Variants in TBC1D16 observed in about 807,000 individuals in gnomAD.
TBC1D16 encodes the protein CTD-2529O21.1.
In TBC1D16, 58 loss-of-function variants were observed where a neutral mutation model predicts 74.7. The observed-to-expected ratio is 0.78, with a 90% CI of 0.63 to 0.97. TBC1D16 has a LOEUF of 0.97. Among genes scored for constraint, TBC1D16 ranks in the 50% least tolerant of loss-of-function variants. The pLI, the probability that TBC1D16 is intolerant of heterozygous loss-of-function variation, is 0.00. For synonymous variants in TBC1D16, 493 were observed against 474.7 expected, an observed-to-expected ratio of 1.04 and a Z score of -0.50; for missense variants, 1,014 against 1,079.5, an observed-to-expected ratio of 0.94 and a Z score of 0.85.
chr17:80,002,063 G>A (rs1405269209), intron 3 of TBC1D16, among the ~76,000 whole-genome samples: 2 of 152,186 alleles, frequency 1.3e-5, no homozygotes, highest in Non-Finnish European at 2.9e-5. Context: ...AGGAACGGCA[G>A]GAAACGCAGA....
At chr17:79,997,405 G>A (rs1050891301) in intron 3 of TBC1D16, among the ~76,000 whole-genome samples, 8 of 151,192 alleles carry the variant, frequency 5.3e-5, no homozygotes, top group Admixed American at 4.0e-4. Flanking sequence ...ACTTTTAAAC[G>A]TGGCTAATGG....
In TBC1D16 at chr17:79,940,353, T is replaced by C. The variant is rs1406714315; in HGVS notation, c.*506A>G. On this transcript the variant is annotated 3_prime_UTR_variant, in exon 12 of 12. Coordinates refer to ENST00000310924, the MANE Select transcript of TBC1D16 (RefSeq NM_019020.4). This position sits in a 1 kb window ranked among gnomAD's most constrained non-coding sequence, Gnocchi z 5.4. ...CTGGGGACGTTTTGGGAAGTGTGTT[T>C]GGCTCACTCCGAGAGAACGAGGTCT... 1 of 152,548 alleles carries C rather than the reference T, an allele frequency of 6.6e-6. No homozygotes were observed. The highest frequency in any genetic ancestry group is 1.5e-5 in the Non-Finnish European group (1 of 68,324). The allele number at this position is 152,548 out of a possible 1,614,324, so 9.4% of individuals were successfully genotyped here. A position where few individuals can be genotyped will look rare whatever the true frequency, so the allele number is the denominator to read the frequency against.
In TBC1D16 at chr17:80,018,754, C is replaced by A. The variant is rs1344326446; in HGVS notation, c.-62-5145G>T. ...TAGCCTGGACTAAAGGCACATGCCACCAGGTCCCGCTAATTTTTTTATTTT... is the reference window on the plus strand; with the variant it reads ...TAGCCTGGACTAAAGGCACATGCCAACAGGTCCCGCTAATTTTTTTATTTT... On this transcript the variant is annotated intron_variant, in intron 1 of 11. Coordinates refer to ENST00000310924, the MANE Select transcript of TBC1D16 (RefSeq NM_019020.4). Among the ~76,000 whole-genome samples the A allele has an allele frequency of 2.0e-5, 3 of 149,364 alleles. 1 individual carries two copies. The highest frequency in any genetic ancestry group is 7.7e-5 in the African/African-American group (3 of 38,852).
At chr17:79,946,764 C>G (rs1335390814) in intron 9 of TBC1D16, among the ~76,000 whole-genome samples, 2 of 152,216 alleles carry the variant, frequency 1.3e-5, no homozygotes, top group African/African-American at 4.8e-5. Context: ...TCAGTCCCAC[C>G]ACTGGGACTG....
chr17:80,000,627 C>T lies in TBC1D16; in HGVS notation c.779+9533G>A, dbSNP rs552830258. On this transcript the variant is annotated intron_variant, in intron 3 of 11. Transcript: ENST00000310924. This position sits in a 1 kb window ranked among gnomAD's most constrained non-coding sequence, Gnocchi z 4.1. ...TCACAGCAGCCCCAGGACACTGATA[C>T]GAGCACGTCCAACGGGGCTGGCAAC... 7.2e-5 allele frequency among the ~76,000 whole-genome samples: 11 copies of T among 152,318 alleles called. No individual in the cohort carries two copies. Among genetic ancestry groups the T allele is most frequent in the South Asian group, 2.1e-4 (1 of 4,828 alleles).
At chr17:79,989,990 G>A (rs1191622801) in intron 3 of TBC1D16, among the ~76,000 whole-genome samples, 1 of 152,116 alleles carries the variant, frequency 6.6e-6, no homozygotes, top group East Asian at 1.9e-4. Flanking sequence ...CCAGAAACCT[G>A]CGCTCAGATT....
In TBC1D16 at chr17:79,980,561, C is replaced by T. The variant is rs960792983; in HGVS notation, c.780-27743G>A. ...GGCCCAGTCTGTTCCTCTCCCTAACCAGGACACTGTGGTGCAGACAGTGTA... is the reference window on the plus strand; with the variant it reads ...GGCCCAGTCTGTTCCTCTCCCTAACTAGGACACTGTGGTGCAGACAGTGTA... On this transcript the variant is annotated intron_variant, in intron 3 of 11. Coordinates refer to ENST00000310924, the MANE Select transcript of TBC1D16 (RefSeq NM_019020.4). The surrounding 1 kb of genome is among the most constrained non-coding windows in gnomAD (Gnocchi z 7.0). Among the ~76,000 whole-genome samples, 1 of 152,200 alleles carries T rather than the reference C, an allele frequency of 6.6e-6. No individual in the cohort carries two copies. Among genetic ancestry groups the T allele is most frequent in the Admixed American group, 6.5e-5 (1 of 15,282 alleles).
chr17:80,021,560 T>C (rs948354435), intron 1 of TBC1D16, among the ~76,000 whole-genome samples: 1 of 149,702 alleles, frequency 6.7e-6, no homozygotes, highest in Non-Finnish European at 1.5e-5. Flanking sequence ...GAGATTAAGC[T>C]GAGATGGAAT....
chr17:80,021,379 G>C (rs180966395), intron 1 of TBC1D16, among the ~76,000 whole-genome samples: 12 of 149,760 alleles, frequency 8.0e-5, no homozygotes, highest in Admixed American at 7.9e-4. Context: ...TGGATCACTT[G>C]AGCCCAGGAC....
At chr17:79,973,838 G>C (rs2034218808) in intron 3 of TBC1D16, among the ~76,000 whole-genome samples, 1 of 152,102 alleles carries the variant, frequency 6.6e-6, no homozygotes, top group African/African-American at 2.4e-5. Flanking sequence ...CTGGGCAACA[G>C]AGCAAGACCC....
At chr17:79,951,325 TG>T in intron 5 of TBC1D16, 124 bp downstream of exon 5, 1 of 1,205,616 alleles carries the variant, frequency 8.3e-7, no homozygotes, top group Non-Finnish European at 1.1e-6. Flanking sequence ...AAAACTACCG[TG>T]GGTCACACCC....
chr17:79,974,245 T>A (rs1255452963), intron 3 of TBC1D16, among the ~76,000 whole-genome samples: 4 of 152,202 alleles, frequency 2.6e-5, no homozygotes, highest in Non-Finnish European at 5.9e-5. Flanking sequence ...TTAATTTTTT[T>A]TTTCTCTTTT....
rs1200265565 is a variant in TBC1D16, at chr17:79,950,356, T to G, written c.1257+55A>C. 6.5e-7 allele frequency: 1 copy of G among 1,527,196 alleles called. No individual in the cohort carries two copies. The highest frequency in any genetic ancestry group is 1.4e-5 in the African/African-American group (1 of 72,512). 94.6% of individuals were successfully genotyped at this position (1,527,196 alleles called of 1,614,324 possible). On this transcript the variant is annotated intron_variant, in intron 6 of 11. Transcript: ENST00000310924. This position sits in a 1 kb window ranked among gnomAD's most constrained non-coding sequence, Gnocchi z 4.6. Reference sequence around the variant, plus strand: ...CCCGGCCCTCCTTCCCTCTCGCTCGTTCCCGGTTCCCGGCCGGCTCTCCGC... The same window carrying G: ...CCCGGCCCTCCTTCCCTCTCGCTCGGTCCCGGTTCCCGGCCGGCTCTCCGC...
At chr17:79,952,258 A>G (rs1244941540) in intron 4 of TBC1D16, 1 of 171,036 alleles carries the variant, frequency 5.8e-6, no homozygotes, top group African/African-American at 2.4e-5. Context: ...CCCACCCATC[A>G]CGAAAGGAAG....
intron 9 of TBC1D16, 45 bp downstream of exon 9, chr17:79,947,600 G>A (rs567894064): frequency 3.6e-5 from 57 of 1,596,440 alleles, no homozygotes; most frequent in Middle Eastern, 1.7e-4. Context: ...GAGGCAACAC[G>A]GGCCCTCACA....
In TBC1D16 at chr17:80,007,333, G is replaced by GCC. The variant is rs1483319638; in HGVS notation, c.779+2825_779+2826dup. ...CCCCAGGCTGGTGCTCAACCCTCACGCCGACTCTGCCCTACAAGGGGGTTC... is the reference window on the plus strand; with the variant it reads ...CCCCAGGCTGGTGCTCAACCCTCACGCCCCGACTCTGCCCTACAAGGGGGTTC... On this transcript the variant is annotated intron_variant, in intron 3 of 11. Transcript: ENST00000310924. This position sits in a 1 kb window ranked among gnomAD's most constrained non-coding sequence, Gnocchi z 4.5. Among the ~76,000 whole-genome samples the GCC allele has an allele frequency of 2.0e-5, 3 of 152,194 alleles. No individual in the cohort carries two copies. Among genetic ancestry groups the GCC allele is most frequent in the Admixed American group, 6.5e-5 (1 of 15,284 alleles).
chr17:79,965,748 A>C (rs999112443), intron 3 of TBC1D16, among the ~76,000 whole-genome samples: 9 of 152,230 alleles, frequency 5.9e-5, no homozygotes, highest in African/African-American at 1.9e-4. Context: ...CTGGAAAAGA[A>C]GACAACACTC....
rs1444545127 is a variant in TBC1D16 at position 80,007,689 on chromosome 17, G to A, written c.779+2471C>T. ...TGAGTCTCAAACATATAAGCTGGCC[G>A]GTTAGGAGAGAGGGGAAGGAGGAAG... On this transcript the variant is annotated intron_variant, in intron 3 of 11. Coordinates refer to ENST00000310924, the MANE Select transcript of TBC1D16 (RefSeq NM_019020.4). The surrounding 1 kb of genome is among the most constrained non-coding windows in gnomAD (Gnocchi z 4.5). Among the ~76,000 whole-genome samples, 2 of 152,194 alleles carry A rather than the reference G, an allele frequency of 1.3e-5. No individual in the cohort carries two copies. The highest frequency in any genetic ancestry group is 1.9e-4 in the East Asian group (1 of 5,186).
At chr17:80,012,958 T>C (rs1415901273) in intron 2 of TBC1D16, among the ~76,000 whole-genome samples, 6 of 152,136 alleles carry the variant, frequency 3.9e-5, no homozygotes, top group Admixed American at 6.6e-5. Context: ...TCGCTCAGCC[T>C]CTCTGAACAC....
Sources: gnomAD v4.1 joint callset for allele counts (sites outside exome capture counted in the v4.1 genomes callset) on GRCh38, gnomAD v4.1.1 for gene constraint, Gnocchi (gnomAD v3.1) non-coding constraint, MANE v1.5 for transcripts, NCBI Gene and HGNC (gene_info 2026-07-23, HGNC 2026-07-21) for gene names.